Variants in NRXN1 observed in about 807,000 individuals in gnomAD.
NRXN1 encodes the protein neurexin 1.
A neutral mutation model predicts 150.9 loss-of-function variants in NRXN1; 39 were observed. The ratio of observed to expected loss-of-function variants is 0.26; its 90% CI spans 0.20 to 0.34. The LOEUF is 0.34. Ranked by LOEUF, NRXN1 falls within the 10% of genes least tolerant of loss-of-function variation. The pLI is 1.00. For synonymous variants in NRXN1, 924 were observed against 757.0 expected (o/e 1.22, Z -3.62); for missense variants, 1,815 against 1,949.9 (o/e 0.93, Z 1.30).
chr2:50,149,121 A>C (rs2058546724), intron 18 of NRXN1, among the ~76,000 whole-genome samples: 1 of 151,798 alleles, frequency 6.6e-6, no homozygotes, highest in Non-Finnish European at 1.5e-5. Context: ...TTGCTATGAA[A>C]GAGGCTATTT....
chr2:50,646,708 C>CTTTTTTTTTTTTT (rs552231598), intron 5 of NRXN1, among the ~76,000 whole-genome samples: 8 of 107,394 alleles, frequency 7.4e-5, no homozygotes, highest in Admixed American at 2.1e-4. Context: ...TTCATGTTGT[C>CTTTTTTTTTTTTT]TTTTTTTTTT....
chr2:50,932,789 CT>C (rs922818964), intron 2 of NRXN1, among the ~76,000 whole-genome samples: 16 of 151,854 alleles, frequency 1.1e-4, no homozygotes, highest in Non-Finnish European at 1.6e-4. Context: ...ACTGGTATCA[CT>C]TTTTTTTCTT....
chr2:50,280,183 C>G (rs1222249584), intron 17 of NRXN1, among the ~76,000 whole-genome samples: 3 of 149,426 alleles, frequency 2.0e-5, no homozygotes, highest in African/African-American at 7.4e-5. Flanking sequence ...GAATCTGAGG[C>G]AGGAGAATGG....
At chr2:50,447,747 A>ATATATATATATATATATATATG (rs2086575855) in intron 17 of NRXN1, among the ~76,000 whole-genome samples, 1 of 49,968 alleles carries the variant, frequency 2.0e-5, no homozygotes, top group East Asian at 1.7e-3. Context: ...TTATATATAT[A>ATATATATATATATATATATATG]TATATATATA....
chr2:50,303,331 C>T (rs1715990), intron 17 of NRXN1, among the ~76,000 whole-genome samples: 131,343 of 152,136 alleles, frequency 0.86, 56,896 homozygotes, highest in African/African-American at 0.93. Context: ...GAATGATGAG[C>T]GTCTGATAAA....
intron 5 of NRXN1, among the ~76,000 whole-genome samples, chr2:50,668,527 T>A (rs1688388921): frequency 6.6e-6 from 1 of 152,072 alleles, no homozygotes; most frequent in African/African-American, 2.4e-5. Flanking sequence ...GCTCTGTAAC[T>A]ATCTGTACAA....
At chr2:50,420,523 A>G (rs145354628) in intron 17 of NRXN1, among the ~76,000 whole-genome samples, 49 of 152,146 alleles carry the variant, frequency 3.2e-4, no homozygotes, top group African/African-American at 1.2e-3. Context: ...GAGTGTTTGC[A>G]TTGCCCTAAC....
chr2:50,420,081 TCTC>T (rs1278715019), intron 17 of NRXN1, among the ~76,000 whole-genome samples: 2 of 151,946 alleles, frequency 1.3e-5, no homozygotes, highest in Admixed American at 6.6e-5. Context: ...CACTGAGAAT[TCTC>T]CTCTTTTTAC....
intron 17 of NRXN1, among the ~76,000 whole-genome samples, chr2:50,459,592 T>G (rs1446151077): frequency 1.3e-5 from 2 of 152,150 alleles, no homozygotes; most frequent in Non-Finnish European, 2.9e-5. Context: ...ATTCATTTGC[T>G]AAGGAAAATA....
At chr2:50,409,097 T>A (rs1382837594) in intron 17 of NRXN1, among the ~76,000 whole-genome samples, 1 of 152,182 alleles carries the variant, frequency 6.6e-6, no homozygotes, top group African/African-American at 2.4e-5. Context: ...GAGGCAGCTC[T>A]CCCCTTTGAT....
intron 17 of NRXN1, among the ~76,000 whole-genome samples, chr2:50,460,057 C>A (rs2088007356): frequency 6.6e-6 from 1 of 152,042 alleles, no homozygotes; most frequent in Admixed American, 6.6e-5. Context: ...ATTGTCTTTC[C>A]TTGAGAATAG....
intron 3 of NRXN1, among the ~76,000 whole-genome samples, chr2:50,925,137 C>A (rs1158782379): frequency 2.0e-5 from 3 of 151,770 alleles, no homozygotes; most frequent in Non-Finnish European, 4.4e-5. Flanking sequence ...TTCCCTTTCA[C>A]CATTCTTTTG....
At chr2:50,915,267 T>A (rs1037536685) in intron 5 of NRXN1, among the ~76,000 whole-genome samples, 8 of 151,664 alleles carry the variant, frequency 5.3e-5, no homozygotes, top group African/African-American at 1.9e-4. Context: ...GATAACTAGG[T>A]GTCAGCAGTC....
chr2:50,583,549 C>T (rs559615579), intron 8 of NRXN1, among the ~76,000 whole-genome samples: 2 of 152,244 alleles, frequency 1.3e-5, no homozygotes, highest in African/African-American at 4.8e-5. Flanking sequence ...GAGACTACAT[C>T]ATGTTAATTT....
intron 5 of NRXN1, among the ~76,000 whole-genome samples, chr2:50,891,474 T>C (rs1276962914): frequency 6.6e-6 from 1 of 152,208 alleles, no homozygotes; most frequent in South Asian, 2.1e-4. Flanking sequence ...TATTTTATTA[T>C]ACAATCTGAT....
intron 2 of NRXN1, among the ~76,000 whole-genome samples, chr2:50,956,393 G>A (rs1005087723): frequency 2.6e-5 from 4 of 152,116 alleles, no homozygotes; most frequent in Non-Finnish European, 5.9e-5. Flanking sequence ...GGGAGTAATC[G>A]CTATACATAA....
intron 5 of NRXN1, among the ~76,000 whole-genome samples, chr2:50,838,051 G>C (rs1307586416): frequency 1.3e-5 from 2 of 152,020 alleles, no homozygotes; most frequent in Admixed American, 6.6e-5. Flanking sequence ...TTAAAGTTAA[G>C]GAGTAGCAGA....
chr2:50,584,548 G>T (rs1452677157), intron 8 of NRXN1, among the ~76,000 whole-genome samples: 1 of 152,044 alleles, frequency 6.6e-6, no homozygotes, highest in African/African-American at 2.4e-5. Flanking sequence ...AGGAATAAAT[G>T]GGCAGCTATT....
intron 17 of NRXN1, among the ~76,000 whole-genome samples, chr2:50,449,835 T>C (rs549882689): frequency 6.6e-6 from 1 of 152,276 alleles, no homozygotes; most frequent in South Asian, 2.1e-4. Context: ...CTACTAGTTT[T>C]GGGGTACAGG....
Sources: gnomAD v4.1 joint callset for allele counts (sites outside exome capture counted in the v4.1 genomes callset) on GRCh38, gnomAD v4.1.1 for gene constraint, MANE v1.5 for transcripts, NCBI Gene and HGNC (gene_info 2026-07-23, HGNC 2026-07-21) for gene names.